FMNL2: variants seen among roughly 807,000 people sequenced by gnomAD.
The protein encoded by FMNL2 is formin like 2.
In FMNL2, 51 loss-of-function variants were observed where a neutral mutation model predicts 130.2. That is an observed-to-expected ratio of 0.39 (90% CI 0.31 to 0.49). FMNL2 has a LOEUF of 0.49. FMNL2 is among the 20% of genes least tolerant of loss of function. The pLI is 0.85. For missense variants in FMNL2, 977 were observed against 1,316.2 expected (o/e 0.74, Z 3.99); for synonymous variants, 465 against 467.1 (o/e 1.00, Z 0.06).
At chr2:152,521,661 G>C (rs953550451) in intron 1 of FMNL2, among the ~76,000 whole-genome samples, 6 of 152,142 alleles carry the variant, frequency 3.9e-5, no homozygotes, top group Non-Finnish European at 8.8e-5. Flanking sequence ...AAGGGAGTCT[G>C]CCAAAGCGAC....
intron 5 of FMNL2, among the ~76,000 whole-genome samples, chr2:152,560,161 C>CTTTTT (rs201288912): frequency 7.2e-6 from 1 of 138,328 alleles, no homozygotes; most frequent in Non-Finnish European, 1.6e-5. Context: ...AATACAATTT[C>CTTTTT]TTTTTTTTTT....
intron 10 of FMNL2, among the ~76,000 whole-genome samples, chr2:152,609,695 G>T (rs973558045): frequency 7.9e-5 from 12 of 151,710 alleles, no homozygotes; most frequent in African/African-American, 2.9e-4. Context: ...AGCTAGAGAG[G>T]TTACACATCT....
chr2:152,393,993 T>C (rs1441924695), intron 1 of FMNL2, among the ~76,000 whole-genome samples: 1 of 152,238 alleles, frequency 6.6e-6, no homozygotes, highest in Non-Finnish European at 1.5e-5. Flanking sequence ...TCACGGGCTG[T>C]AGAAGAACAG....
chr2:152,417,558 C>A (rs1018149079), intron 1 of FMNL2, among the ~76,000 whole-genome samples: 3 of 152,148 alleles, frequency 2.0e-5, no homozygotes, highest in African/African-American at 7.2e-5. Flanking sequence ...GTGCACATCA[C>A]CCAAGGTGAT....
intron 1 of FMNL2, among the ~76,000 whole-genome samples, chr2:152,384,417 C>T (rs559789122): frequency 1.3e-5 from 2 of 152,168 alleles, no homozygotes; most frequent in African/African-American, 2.4e-5. Flanking sequence ...GTGTAGACAT[C>T]GATATTGCTG....
At chr2:152,604,589 G>A (rs1162487259) in intron 9 of FMNL2, among the ~76,000 whole-genome samples, 2 of 151,666 alleles carry the variant, frequency 1.3e-5, no homozygotes, top group African/African-American at 2.4e-5. Context: ...CCCACAACAA[G>A]ACCAAAGTAC....
At chr2:152,379,442 T>C (rs1244477360) in intron 1 of FMNL2, among the ~76,000 whole-genome samples, 1 of 152,232 alleles carries the variant, frequency 6.6e-6, no homozygotes, top group Admixed American at 6.5e-5. Flanking sequence ...TTAACTGGTC[T>C]CAGAGATCTG....
intron 8 of FMNL2, among the ~76,000 whole-genome samples, 167 bp from the exon 9 acceptor site, chr2:152,580,789 T>C (rs1229750350): frequency 6.6e-6 from 1 of 152,216 alleles, no homozygotes; most frequent in African/African-American, 2.4e-5. Flanking sequence ...ACATATGTAG[T>C]AGTCAGTAAA....
intron 1 of FMNL2, among the ~76,000 whole-genome samples, chr2:152,487,744 G>A (rs1321730341): frequency 6.6e-6 from 1 of 151,526 alleles, no homozygotes; most frequent in Non-Finnish European, 1.5e-5. Flanking sequence ...ATAGTTATGT[G>A]TGTTTGAAAT....
chr2:152,613,601 T>G (rs16831440), intron 11 of FMNL2, among the ~76,000 whole-genome samples: 29,218 of 152,192 alleles, frequency 0.19, 3,038 homozygotes, highest in Admixed American at 0.26. Context: ...GAATTTCTCT[T>G]AAAAATGTAA....
At chr2:152,621,898 A>G (rs1395094994) in intron 15 of FMNL2, among the ~76,000 whole-genome samples, 2 of 152,196 alleles carry the variant, frequency 1.3e-5, no homozygotes, top group African/African-American at 4.8e-5. Context: ...AACCTATGAC[A>G]TCACTTGGCC....
intron 10 of FMNL2, among the ~76,000 whole-genome samples, chr2:152,611,211 T>C (rs1698661146): frequency 6.6e-6 from 1 of 152,116 alleles, no homozygotes; most frequent in Non-Finnish European, 1.5e-5. Context: ...TGGTGGCACC[T>C]GCCTGTAATC....
At position 152,601,671 on chromosome 2, in the gene FMNL2, C is replaced by CTT. The variant is rs34914295; in HGVS notation, c.877-5653_877-5652dup. 5.6e-4 allele frequency among the ~76,000 whole-genome samples: 58 copies of CTT among 103,484 alleles called. 14 individuals carry two copies. Among genetic ancestry groups the CTT allele is most frequent in the East Asian group, 8.5e-4 (3 of 3,514 alleles). 67.9% of individuals were successfully genotyped at this position (103,484 alleles called of 152,430 possible). Reference sequence around the variant, plus strand: ...GGCTCTCTTTTCTTTTCTTTTCTTTCTTTTTTTTTTTTTTTTGAGACAGAG... The same window carrying CTT: ...GGCTCTCTTTTCTTTTCTTTTCTTTCTTTTTTTTTTTTTTTTTTGAGACAGAG... On this transcript the variant is annotated intron_variant, in intron 9 of 25. Coordinates refer to ENST00000288670, the MANE Select transcript of FMNL2 (RefSeq NM_052905.4).
At chr2:152,494,735 G>C (rs751124271) in intron 1 of FMNL2, among the ~76,000 whole-genome samples, 24 of 152,152 alleles carry the variant, frequency 1.6e-4, no homozygotes, top group Non-Finnish European at 2.9e-4. Context: ...AAAATAAAAA[G>C]TTAGATGTAG....
intron 1 of FMNL2, among the ~76,000 whole-genome samples, chr2:152,451,652 A>G (rs1465031842): frequency 6.6e-6 from 1 of 152,144 alleles, no homozygotes; most frequent in Non-Finnish European, 1.5e-5. Flanking sequence ...GTCAGTGGCC[A>G]AGTTAGGATT....
intron 10 of FMNL2, among the ~76,000 whole-genome samples, chr2:152,609,125 C>G (rs375851309): frequency 1.7e-4 from 26 of 152,306 alleles, no homozygotes; most frequent in African/African-American, 5.8e-4. Context: ...TTATATAAAG[C>G]CCTTTAAAAC....
At chr2:152,589,482 A>G (rs1474055914) in intron 9 of FMNL2, among the ~76,000 whole-genome samples, 2 of 152,228 alleles carry the variant, frequency 1.3e-5, no homozygotes, top group Non-Finnish European at 2.9e-5. Flanking sequence ...GAGAACCCCA[A>G]GAGAAAGCAG....
intron 1 of FMNL2, among the ~76,000 whole-genome samples, chr2:152,379,556 C>T (rs1198222082): frequency 1.3e-5 from 2 of 152,044 alleles, no homozygotes; most frequent in Non-Finnish European, 2.9e-5. Context: ...TTAATTTGAT[C>T]TTAAATTTGC....
chr2:152,607,008 T>TTTTG (rs1698399924), intron 9 of FMNL2, among the ~76,000 whole-genome samples: 2 of 127,180 alleles, frequency 1.6e-5, no homozygotes, highest in Non-Finnish European at 3.3e-5. Flanking sequence ...TTTTTTTTGT[T>TTTTG]TTTTTTTTTT....
Sources: allele counts gnomAD v4.1 joint callset (sites outside exome capture counted in the v4.1 genomes callset), GRCh38; gene constraint gnomAD v4.1.1; transcripts MANE v1.5; gene names NCBI Gene and HGNC (gene_info 2026-07-23, HGNC 2026-07-21).